PLB1: variants seen among roughly 807,000 people sequenced by gnomAD.
PLB1 encodes phospholipase B1, also known as phospholipase B1, membrane-associated.
A neutral mutation model predicts 227.4 loss-of-function variants in PLB1; 242 were observed. That is an observed-to-expected ratio of 1.06 (90% CI 0.96 to 1.18). The LOEUF is 1.18. Ranked by LOEUF, PLB1 falls within the 50% of genes most tolerant of loss-of-function variation. The pLI, the probability that PLB1 is intolerant of heterozygous loss-of-function variation, is 0.00. For missense variants in PLB1, 1,858 were observed against 1,816.3 expected (o/e 1.02, Z -0.42); for synonymous variants, 757 against 682.2 (o/e 1.11, Z -1.71).
intron 49 of PLB1, among the ~76,000 whole-genome samples, chr2:28,623,571 C>G (rs911382148): frequency 1.3e-5 from 2 of 152,174 alleles, no homozygotes; most frequent in African/African-American, 4.8e-5. Context: ...TGTAAATTCT[C>G]CTTAATGAGA....
chr2:28,526,681 C>T (rs1034995129), intron 6 of PLB1, among the ~76,000 whole-genome samples: 1 of 152,040 alleles, frequency 6.6e-6, no homozygotes, highest in Non-Finnish European at 1.5e-5. Context: ...ACCACTTCGC[C>T]GTCCGTATTA....
chr2:28,600,712 G>A lies in PLB1; in HGVS notation c.2475-97G>A. 4.4e-6 allele frequency: 5 copies of A among 1,130,524 alleles called. No homozygotes were observed. The South Asian group carries it at 6.5e-5, about 15-fold the overall frequency. The allele number at this position is 1,130,524 out of a possible 1,614,324, so 70.0% of individuals were successfully genotyped here. ...CGGGATCTCTGCCAGCTCATGCAGT[G>A]GGGATGATACTGTAGAAGCCTCTGG... On this transcript the variant is annotated intron_variant, in intron 35 of 57. Transcript: ENST00000327757.
intron 20 of PLB1, among the ~76,000 whole-genome samples, chr2:28,568,414 C>A (rs1677427160): frequency 1.3e-5 from 2 of 152,374 alleles, no homozygotes; most frequent in South Asian, 4.1e-4. Flanking sequence ...CCCTGACACA[C>A]TTAGCCCAGA....
intron 35 of PLB1, 29 bp downstream of exon 35, chr2:28,598,789 G>A (rs1290858316): frequency 7.7e-6 from 12 of 1,567,062 alleles, no homozygotes; most frequent in Admixed American, 5.0e-5. Flanking sequence ...GAGGGAGCCT[G>A]CAGAGCAGGG....
chr2:28,566,700 T>G, intron 19 of PLB1, 96 bp from the exon 20 acceptor site: 1 of 1,405,800 alleles, frequency 7.1e-7, no homozygotes, highest in Non-Finnish European at 1.0e-6. Context: ...CCCCGGGCTG[T>G]TTCTCGGGAG....
Position 28,600,009 on chromosome 2 carries a change from G to A in PLB1, c.2475-800G>A, listed in dbSNP as rs561329314. On this transcript the variant is annotated intron_variant, in intron 35 of 57. Coordinates refer to ENST00000327757, the MANE Select transcript of PLB1 (RefSeq NM_153021.5). ...TGCAACCTTCACCTCCCAGGTTTAA[G>A]CAATCATCCCACCTCAGCCTCCCTA... 5.3e-5 allele frequency among the ~76,000 whole-genome samples: 8 copies of A among 152,226 alleles called. No homozygotes were observed. In the South Asian group the frequency reaches 1.7e-3, roughly 32 times the overall value.
intron 19 of PLB1, among the ~76,000 whole-genome samples, chr2:28,566,192 C>T (rs1359653161): frequency 6.6e-6 from 1 of 152,094 alleles, no homozygotes; most frequent in Non-Finnish European, 1.5e-5. Context: ...CACAGTTAAA[C>T]CCAAACATTT....
intron 47 of PLB1, 84 bp downstream of exon 47, chr2:28,620,416 G>A (rs1034314480): frequency 1.4e-6 from 2 of 1,407,502 alleles, no homozygotes; most frequent in African/African-American, 2.9e-5. Flanking sequence ...CCCCTCCAGG[G>A]ATGCAGTTGG....
Position 28,538,374 on chromosome 2 carries a change from A to C in PLB1, c.611A>C (p.Gln204Pro). 1 of 1,612,046 alleles carries C rather than the reference A, an allele frequency of 6.2e-7. No homozygotes were observed. The highest frequency in any genetic ancestry group is 8.5e-7 in the Non-Finnish European group (1 of 1,179,786). Residue 204 changes from glutamine (Q) to proline (P), a missense_variant, in exon 10 of 58, where the codon CAG (glutamine) becomes CCG (proline). Physicochemically the swap from Gln to Pro is moderately conservative, Grantham distance 76 (BLOSUM62 -1). Transcript: ENST00000327757. ...DELMGVLDYL[Q>P]QEVPRAFVNL... ...CTGATGGGGGTGCTGGACTACCTGC[A>C]GCAGGAGGTGAGGCCACGGGCCTAG... is the stretch of plus-strand genomic sequence containing the variant.
intron 20 of PLB1, 121 bp downstream of exon 20, chr2:28,566,960 C>A: frequency 8.6e-7 from 1 of 1,159,258 alleles, no homozygotes; most frequent in Non-Finnish European, 1.3e-6. Context: ...GCTAAATTCA[C>A]CAGGGGGCGC....
chr2:28,601,385 G>A lies in PLB1; in HGVS notation c.2607+53G>A, dbSNP rs923560357. 7.4e-6 allele frequency: 11 copies of A among 1,490,684 alleles called. No individual in the cohort carries two copies. The African/African-American group carries it at 1.5e-4, about 21-fold the overall frequency. 92.3% of individuals were successfully genotyped at this position (1,490,684 alleles called of 1,614,324 possible). A position where few individuals can be genotyped will look rare whatever the true frequency, so the allele number is the denominator to read the frequency against. On this transcript the variant is annotated intron_variant, in intron 37 of 57. Transcript: ENST00000327757. ...TGTTGTTCCTAACTTTGCCCAGTAG[G>A]CGTTGGAGATCTTCCCTGAGAACAG...
chr2:28,534,758 G>C (rs972616441), intron 9 of PLB1, among the ~76,000 whole-genome samples: 3 of 152,132 alleles, frequency 2.0e-5, no homozygotes, highest in Admixed American at 1.3e-4. Flanking sequence ...GGAGGCTGAG[G>C]CAGGAGAATC....
chr2:28,538,078 C>T (rs1446197087), intron 9 of PLB1, among the ~76,000 whole-genome samples: 2 of 152,172 alleles, frequency 1.3e-5, no homozygotes, highest in African/African-American at 4.8e-5. Context: ...TGGAACTTTT[C>T]ACCTGTGGGG....
chr2:28,525,794 G>C, intron 5 of PLB1, 111 bp from the exon 6 acceptor site: 2 of 1,358,344 alleles, frequency 1.5e-6, no homozygotes, highest in South Asian at 2.7e-5. Flanking sequence ...CCCAGAACCA[G>C]AGCAAGGCTA....
intron 19 of PLB1, 116 bp from the exon 20 acceptor site, chr2:28,566,680 A>G: frequency 2.6e-6 from 3 of 1,159,392 alleles, no homozygotes; most frequent in Non-Finnish European, 2.6e-6. Context: ...GGAAAGTGCA[A>G]GCTCCAGGCC....
At chr2:28,523,335 G>GTTTTTTT (rs199936505) in intron 4 of PLB1, among the ~76,000 whole-genome samples, 5 of 116,892 alleles carry the variant, frequency 4.3e-5, no homozygotes, top group Admixed American at 9.2e-5. Flanking sequence ...TATCTGCGAG[G>GTTTTTTT]TTTTTTTTTT....
intron 42 of PLB1, 80 bp from the exon 43 acceptor site, chr2:28,606,416 C>T: frequency 7.1e-7 from 1 of 1,403,122 alleles, no homozygotes; most frequent in East Asian, 2.3e-5. Context: ...GCTTTCCCCA[C>T]TGCAGGATTC....
intron 44 of PLB1, 89 bp downstream of exon 44, chr2:28,614,185 A>G (rs1183171183): frequency 3.2e-6 from 4 of 1,237,336 alleles, no homozygotes; most frequent in Non-Finnish European, 4.8e-6. Context: ...CAGAGTATTC[A>G]CTGAAGCAGA....
At position 28,631,715 on chromosome 2, in the gene PLB1, A is replaced by AGT. The variant is rs375922659; in HGVS notation, c.3898-319_3898-318dup. ...GGACTTTGGCCTATGCAATCTGGTCAGTGGCTCAGACCCAGCCTTTCAGGC... is the reference window on the plus strand; with the variant it reads ...GGACTTTGGCCTATGCAATCTGGTCAGTGTGGCTCAGACCCAGCCTTTCAGGC... On this transcript the variant is annotated intron_variant, in intron 54 of 57. Coordinates refer to ENST00000327757, the MANE Select transcript of PLB1 (RefSeq NM_153021.5). 6.2e-3 allele frequency among the ~76,000 whole-genome samples: 947 copies of AGT among 152,266 alleles called. 14 individuals carry two copies. Among genetic ancestry groups the AGT allele is most frequent in the African/African-American group, 0.021 (882 of 41,542 alleles).
Sources: gnomAD v4.1 joint callset for allele counts (sites outside exome capture counted in the v4.1 genomes callset) on GRCh38, gnomAD v4.1.1 for gene constraint, MANE v1.5 for transcripts, NCBI Gene and HGNC (gene_info 2026-07-23, HGNC 2026-07-21) for gene names.